The following PRKACB variants were observed in gnomAD, a reference collection of about 807,000 sequenced individuals.
PRKACB encodes the protein protein kinase cAMP-activated catalytic subunit beta.
In PRKACB, 16 loss-of-function variants were observed where a neutral mutation model predicts 51.4. The ratio of observed to expected loss-of-function variants is 0.31; its 90% CI spans 0.21 to 0.47. The LOEUF (loss-of-function observed/expected upper bound fraction) is 0.47. Ranked by LOEUF, PRKACB falls within the 20% of genes least tolerant of loss-of-function variation. The probability of loss-of-function intolerance (pLI) is 1.00; values close to 1 mark genes in which losing one functional copy is unlikely to be tolerated. For missense variants in PRKACB, 309 were observed against 464.5 expected (o/e 0.67, Z 3.08); for synonymous variants, 147 against 154.4 (o/e 0.95, Z 0.35).
intron 1 of PRKACB, among the ~76,000 whole-genome samples, chr1:84,089,215 G>C (rs1223731399): frequency 6.6e-6 from 1 of 152,112 alleles, no homozygotes; most frequent in African/African-American, 2.4e-5. Context: ...ACCTCCTGTA[G>C]AAGCGTACAT....
rs549027537 is a variant in PRKACB, at chr1:84,228,014, G to A, written c.1072-7166G>A. Among the ~76,000 whole-genome samples the A allele has an allele frequency of 7.9e-5, 12 of 152,196 alleles. No individual in the cohort carries two copies. The South Asian group carries it at 2.5e-3, about 32-fold the overall frequency. ...CCCAATAGGTTTGTTATTCTAAATT[G>A]CTGGCTGGCTAGACGTGAAGCAACT... On this transcript the variant is annotated intron_variant, in intron 9 of 9. Transcript: ENST00000370685.
At chr1:84,093,354 T>G (rs961804328) in intron 1 of PRKACB, among the ~76,000 whole-genome samples, 4 of 152,030 alleles carry the variant, frequency 2.6e-5, no homozygotes, top group Admixed American at 2.6e-4. Context: ...CAGTATTTAT[T>G]TGACACATCA....
chr1:84,144,960 T>C (rs1247698155), intron 1 of PRKACB, among the ~76,000 whole-genome samples: 1 of 152,172 alleles, frequency 6.6e-6, no homozygotes, highest in African/African-American at 2.4e-5. Flanking sequence ...ATTACATTTC[T>C]ATTGTGTTTG....
intron 1 of PRKACB, among the ~76,000 whole-genome samples, chr1:84,137,574 CTG>C (rs1652953061): frequency 6.6e-6 from 1 of 152,160 alleles, no homozygotes; most frequent in South Asian, 2.1e-4. Context: ...AATAATATAA[CTG>C]TAGTACAAAT....
At chr1:84,232,213 C>T (rs1304411606) in intron 9 of PRKACB, among the ~76,000 whole-genome samples, 9 of 151,778 alleles carry the variant, frequency 5.9e-5, no homozygotes, top group East Asian at 1.9e-4. Flanking sequence ...TGTTCAGTTT[C>T]CATGTAGTTG....
intron 1 of PRKACB, among the ~76,000 whole-genome samples, chr1:84,152,079 GATGTTGTGTT>G (rs770173549): frequency 1.3e-5 from 2 of 152,138 alleles, no homozygotes; most frequent in African/African-American, 2.4e-5. Context: ...CTGCAGAATG[GATGTTGTGTT>G]ATCAGGCATG....
chr1:84,105,653 G>T (rs1307027334), intron 1 of PRKACB, among the ~76,000 whole-genome samples: 1 of 151,910 alleles, frequency 6.6e-6, no homozygotes, highest in Non-Finnish European at 1.5e-5. Flanking sequence ...ACAGCTCACT[G>T]CAACCTCCAC....
chr1:84,133,630 TACTCGGCTTC>T (rs1229172484), intron 1 of PRKACB, among the ~76,000 whole-genome samples: 3 of 152,156 alleles, frequency 2.0e-5, no homozygotes, highest in African/African-American at 7.2e-5. Flanking sequence ...CACTTGGCTT[TACTCGGCTTC>T]ACTCGCTCAG....
At chr1:84,108,675 T>C (rs933808639) in intron 1 of PRKACB, among the ~76,000 whole-genome samples, 1 of 152,052 alleles carries the variant, frequency 6.6e-6, no homozygotes, top group African/African-American at 2.4e-5. Context: ...CCCATAGTTG[T>C]TAAGTAATGT....
At chr1:84,158,389 G>A (rs78719453) in intron 1 of PRKACB, among the ~76,000 whole-genome samples, 2,274 of 152,200 alleles carry the variant, frequency 0.015, 63 homozygotes, top group African/African-American at 0.051. Flanking sequence ...GTTGTTCACA[G>A]TTGTTTCACT....
intron 1 of PRKACB, among the ~76,000 whole-genome samples, chr1:84,149,384 C>T (rs1396280697): frequency 2.6e-5 from 4 of 152,042 alleles, no homozygotes; most frequent in African/African-American, 9.7e-5. Context: ...CTCAGTTTCC[C>T]AAGTAGCTGG....
At chr1:84,124,074 G>A (rs1388147987) in intron 1 of PRKACB, among the ~76,000 whole-genome samples, 1 of 152,086 alleles carries the variant, frequency 6.6e-6, no homozygotes, top group African/African-American at 2.4e-5. Flanking sequence ...TCATAAAAAA[G>A]CTATGGTATC....
intron 1 of PRKACB, among the ~76,000 whole-genome samples, chr1:84,101,135 G>C (rs981459602): frequency 2.0e-5 from 3 of 152,156 alleles, no homozygotes; most frequent in Non-Finnish European, 4.4e-5. Context: ...TTGACTTATT[G>C]ATTGTGGTGG....
chr1:84,206,819 C>T (rs1327602032), intron 8 of PRKACB, among the ~76,000 whole-genome samples: 7 of 152,162 alleles, frequency 4.6e-5, no homozygotes, highest in Non-Finnish European at 5.9e-5. Flanking sequence ...TGGTACTATT[C>T]AAGTTGCCAG....
chr1:84,120,327 T>G (rs1475077270), intron 1 of PRKACB, among the ~76,000 whole-genome samples: 1 of 152,132 alleles, frequency 6.6e-6, no homozygotes, highest in Non-Finnish European at 1.5e-5. Flanking sequence ...GTCTCACATT[T>G]TAGTGTATTC....
chr1:84,130,412 G>C (rs1652068493), intron 1 of PRKACB, among the ~76,000 whole-genome samples: 2 of 152,028 alleles, frequency 1.3e-5, no homozygotes, highest in Non-Finnish European at 2.9e-5. Context: ...AAAGAATGGA[G>C]ACAACCCAGA....
chr1:84,167,870 A>C (rs149261549), intron 1 of PRKACB, among the ~76,000 whole-genome samples: 74 of 151,676 alleles, frequency 4.9e-4, no homozygotes, highest in African/African-American at 1.7e-3. Context: ...ATGCTTAAGA[A>C]ACTAAATTGT....
At chr1:84,108,334 G>GCTCC (rs1447241213) in intron 1 of PRKACB, among the ~76,000 whole-genome samples, 1 of 151,870 alleles carries the variant, frequency 6.6e-6, no homozygotes, top group Non-Finnish European at 1.5e-5. Flanking sequence ...AGGGTGGAAG[G>GCTCC]CGGGAGGAGG....
At chr1:84,144,719 C>T (rs888530160) in intron 1 of PRKACB, among the ~76,000 whole-genome samples, 171 bp downstream of exon 1, 4 of 152,112 alleles carry the variant, frequency 2.6e-5, no homozygotes, top group African/African-American at 9.7e-5. Context: ...ATAAGTTGAG[C>T]TGAATCATTC....
Sources: gnomAD v4.1 joint callset for allele counts (sites outside exome capture counted in the v4.1 genomes callset) on GRCh38, gnomAD v4.1.1 for gene constraint, MANE v1.5 for transcripts, NCBI Gene and HGNC (gene_info 2026-07-23, HGNC 2026-07-21) for gene names.